SRGAP3: variants seen among roughly 807,000 people sequenced by gnomAD.
SRGAP3 encodes the protein SLIT-ROBO Rho GTPase-activating protein 3.
In SRGAP3, 39 loss-of-function variants were observed where a neutral mutation model predicts 121.1. That is an observed-to-expected ratio of 0.32 (90% CI 0.25 to 0.42). SRGAP3 has a LOEUF of 0.42. Ranked by LOEUF, SRGAP3 falls within the 10% of genes least tolerant of loss-of-function variation. SRGAP3 has a pLI of 1.00. For synonymous variants in SRGAP3, 601 were observed against 570.0 expected, an observed-to-expected ratio of 1.05 and a Z score of -0.77; for missense variants, 1,213 against 1,470.6, an observed-to-expected ratio of 0.82 and a Z score of 2.86.
At chr3:9,051,034 T>G (rs866362475) in intron 9 of SRGAP3, among the ~76,000 whole-genome samples, 1 of 141,078 alleles carries the variant, frequency 7.1e-6, no homozygotes, top group Non-Finnish European at 1.5e-5. Context: ...TTTTTTTTTT[T>G]TTTTTTTTTT....
upstream of SRGAP3, among the ~76,000 whole-genome samples, chr3:9,253,849 G>A (rs542450389): frequency 6.6e-6 from 1 of 152,332 alleles, no homozygotes; most frequent in East Asian, 1.9e-4. Context: ...GGGACGGAAT[G>A]GCAAGTAGGG....
chr3:9,295,174 CAG>C (rs1287144738), intron 3 of SRGAP3, among the ~76,000 whole-genome samples: 1 of 152,198 alleles, frequency 6.6e-6, no homozygotes, highest in African/African-American at 2.4e-5. Context: ...GATTGAATAA[CAG>C]GGTTAAAATC....
chr3:9,155,237 T>A lies in SRGAP3; in HGVS notation c.68-30320A>T, dbSNP rs185626754. ...TTTTCAGGATTCTTCCTAATGGCCT[T>A]TTGGCAGCTGGCTGTTGCTGATGGG... On this transcript the variant is annotated intron_variant, in intron 1 of 21. Coordinates refer to ENST00000383836, the MANE Select transcript of SRGAP3 (RefSeq NM_014850.4). Among the ~76,000 whole-genome samples the A allele has an allele frequency of 2.0e-4, 30 of 152,334 alleles. No homozygotes were observed. In the East Asian group the frequency reaches 5.8e-3, roughly 29 times the overall value.
At chr3:9,020,847 C>T (rs1219372646) in intron 14 of SRGAP3, among the ~76,000 whole-genome samples, 1 of 152,186 alleles carries the variant, frequency 6.6e-6, no homozygotes, top group Non-Finnish European at 1.5e-5. Flanking sequence ...GAAGGAAAGA[C>T]ATGTTCACAC....
intron 1 of SRGAP3, among the ~76,000 whole-genome samples, chr3:9,230,373 A>G (rs947834527): frequency 1.3e-5 from 2 of 152,188 alleles, no homozygotes; most frequent in East Asian, 1.9e-4. Flanking sequence ...GACATTCTCA[A>G]ACTGGATGGG....
chr3:9,192,773 G>A (rs543136663), intron 1 of SRGAP3: 1 of 152,338 alleles, frequency 6.6e-6, no homozygotes, highest in South Asian at 2.1e-4. Context: ...AACAGGGGCA[G>A]GGCAAGAAGA....
chr3:9,240,525 C>T lies in SRGAP3; in HGVS notation c.67+8360G>A, dbSNP rs534029794. 2.0e-3 allele frequency among the ~76,000 whole-genome samples: 306 copies of T among 152,138 alleles called. 1 individual carries two copies. Among genetic ancestry groups the T allele is most frequent in the Non-Finnish European group, 3.0e-3 (203 of 68,034 alleles). On this transcript the variant is annotated intron_variant, in intron 1 of 21. Transcript: ENST00000383836. ...TTTCCAAGGTACTACTCAGCTCTGC[C>T]TCCCCAGGCAACCATCACACACCAG... is the stretch of plus-strand genomic sequence containing the variant.
intron 3 of SRGAP3, among the ~76,000 whole-genome samples, chr3:9,281,311 G>A (rs149549970): frequency 4.3e-4 from 65 of 152,304 alleles, no homozygotes; most frequent in African/African-American, 1.5e-3. Context: ...GACTTGGCCC[G>A]TGGTAGGTGA....
intron 1 of SRGAP3, among the ~76,000 whole-genome samples, chr3:9,336,664 G>T (rs1241969114): frequency 1.3e-5 from 2 of 152,312 alleles, no homozygotes; most frequent in East Asian, 3.9e-4. Flanking sequence ...GGTGAATTCT[G>T]CAAGGGGTAT....
In SRGAP3 at chr3:9,315,122, G is replaced by T. The variant is rs1203228174; in HGVS notation, n.442+10888C>A. On this transcript the variant is annotated intron_variant and non_coding_transcript_variant, in intron 3 of 3. Transcript: ENST00000490889. ...GTTCAAATGACATCATCGGGACTAT[G>T]TTTCCACCTCTCCAGTCTATCTTCA... 2.6e-5 allele frequency among the ~76,000 whole-genome samples: 4 copies of T among 152,310 alleles called. No homozygotes were observed. The East Asian group carries it at 7.7e-4, about 29-fold the overall frequency.
chr3:9,188,490 C>G (rs547825412), intron 1 of SRGAP3, among the ~76,000 whole-genome samples: 1 of 152,204 alleles, frequency 6.6e-6, no homozygotes, highest in East Asian at 1.9e-4. Context: ...CCTGTCTCCA[C>G]CCAGCAATCA....
chr3:9,227,552 G>A (rs1045284296), intron 1 of SRGAP3, among the ~76,000 whole-genome samples: 1 of 152,236 alleles, frequency 6.6e-6, no homozygotes, highest in African/African-American at 2.4e-5. Flanking sequence ...ACAATGTTGG[G>A]ATTCAGTCCT....
At chr3:9,057,084 G>A (rs921117343) in intron 7 of SRGAP3, among the ~76,000 whole-genome samples, 2 of 151,758 alleles carry the variant, frequency 1.3e-5, no homozygotes, top group Non-Finnish European at 2.9e-5. Flanking sequence ...TTTGTTTTTT[G>A]TTGTTGTTGT....
At chr3:9,003,254 C>T (rs899561963) in intron 18 of SRGAP3, among the ~76,000 whole-genome samples, 9 of 152,044 alleles carry the variant, frequency 5.9e-5, no homozygotes, top group Non-Finnish European at 1.2e-4. Context: ...CAGAGCTGGG[C>T]GGATAACTTG....
intron 1 of SRGAP3, among the ~76,000 whole-genome samples, chr3:9,134,050 C>T (rs1949554669): frequency 6.6e-6 from 1 of 152,228 alleles, no homozygotes; most frequent in Non-Finnish European, 1.5e-5. Context: ...GCAAATCCTG[C>T]ACCTCTGGTT....
At chr3:9,350,050 T>C (rs2030030458) in intron 1 of SRGAP3, 1 of 152,042 alleles carries the variant, frequency 6.6e-6, no homozygotes, top group Non-Finnish European at 1.5e-5. Context: ...TCCTGATCTG[T>C]ACAATAAAGG....
At chr3:9,126,218 C>T (rs1424365350) in intron 1 of SRGAP3, among the ~76,000 whole-genome samples, 1 of 152,216 alleles carries the variant, frequency 6.6e-6, no homozygotes, top group African/African-American at 2.4e-5. Flanking sequence ...CCCCTCCTCA[C>T]AATGGTCCTG....
chr3:9,225,781 A>G (rs1168031866), intron 1 of SRGAP3, among the ~76,000 whole-genome samples: 1 of 152,196 alleles, frequency 6.6e-6, no homozygotes, highest in African/African-American at 2.4e-5. Context: ...TAAACAGGTG[A>G]CGCAGGCCAG....
intron 1 of SRGAP3, among the ~76,000 whole-genome samples, chr3:9,355,147 A>G (rs929303538): frequency 2.0e-5 from 3 of 152,168 alleles, no homozygotes; most frequent in African/African-American, 7.2e-5. Flanking sequence ...TCTGACCCTC[A>G]AACTTCCTCT....
Sources: gnomAD v4.1 joint callset for allele counts (sites outside exome capture counted in the v4.1 genomes callset) on GRCh38, gnomAD v4.1.1 for gene constraint, MANE v1.5 for transcripts, NCBI Gene and HGNC (gene_info 2026-07-23, HGNC 2026-07-21) for gene names.